Variants in SEMA3E observed in about 807,000 individuals in gnomAD.
SEMA3E encodes the protein semaphorin-3E.
SEMA3E carries 49 observed loss-of-function variants against 93.6 expected under a neutral mutation model. The observed-to-expected ratio is 0.52, with a 90% CI of 0.42 to 0.66. The LOEUF is 0.66. Among genes scored for constraint, SEMA3E ranks in the 30% least tolerant of loss-of-function variants. The pLI, the probability that SEMA3E is intolerant of heterozygous loss-of-function variation, is 0.00. For synonymous variants in SEMA3E, 363 were observed against 330.7 expected (o/e 1.10, Z -1.06); for missense variants, 906 against 964.8 (o/e 0.94, Z 0.81).
intron 1 of SEMA3E, among the ~76,000 whole-genome samples, chr7:83,587,986 A>T (rs1041940855): frequency 1.3e-5 from 2 of 152,132 alleles, no homozygotes; most frequent in Non-Finnish European, 2.9e-5. Context: ...AATTAATTAT[A>T]TTTTGTGTAA....
chr7:83,580,535 G>T (rs1269908919), intron 1 of SEMA3E, among the ~76,000 whole-genome samples: 1 of 151,788 alleles, frequency 6.6e-6, no homozygotes, highest in Non-Finnish European at 1.5e-5. Context: ...TATGATCTTT[G>T]CTTGGTTGTA....
At chr7:83,588,221 A>T (rs1792672253) in intron 1 of SEMA3E, among the ~76,000 whole-genome samples, 1 of 152,034 alleles carries the variant, frequency 6.6e-6, no homozygotes, top group Non-Finnish European at 1.5e-5. Flanking sequence ...GTCTGCACTA[A>T]AAATACAAAA....
chr7:83,374,608 T>C (rs995243825), intron 16 of SEMA3E, among the ~76,000 whole-genome samples: 1 of 152,034 alleles, frequency 6.6e-6, no homozygotes. Context: ...AGCAATGAAA[T>C]AGAGACACAA....
chr7:83,549,591 G>A (rs556304567), intron 1 of SEMA3E, among the ~76,000 whole-genome samples: 1 of 152,040 alleles, frequency 6.6e-6, no homozygotes, highest in South Asian at 2.1e-4. Context: ...TATTGTCTCT[G>A]TATCTAATGT....
At chr7:83,602,819 C>G (rs547377961) in intron 1 of SEMA3E, among the ~76,000 whole-genome samples, 5 of 152,192 alleles carry the variant, frequency 3.3e-5, no homozygotes, top group African/African-American at 1.2e-4. Flanking sequence ...TTTTATGGCT[C>G]TCATCACCTT....
chr7:83,431,926 T>C (rs1478519569), intron 4 of SEMA3E, among the ~76,000 whole-genome samples: 1 of 151,308 alleles, frequency 6.6e-6, no homozygotes, highest in Non-Finnish European at 1.5e-5. Flanking sequence ...GTGCCACCTA[T>C]TCACTCCCCA....
chr7:83,475,996 G>A (rs1016118242), intron 2 of SEMA3E, among the ~76,000 whole-genome samples: 1 of 152,066 alleles, frequency 6.6e-6, no homozygotes, highest in African/African-American at 2.4e-5. Context: ...ATCCCTCATA[G>A]TGTTCTTATT....
chr7:83,424,932 AG>A, intron 4 of SEMA3E: 1 of 272,776 alleles, frequency 3.7e-6, no homozygotes, highest in Non-Finnish European at 7.5e-6. Flanking sequence ...CATGTGTGGG[AG>A]GGTAGCTGGA....
chr7:83,429,165 A>C (rs959947495), intron 4 of SEMA3E, among the ~76,000 whole-genome samples: 1 of 152,214 alleles, frequency 6.6e-6, no homozygotes, highest in African/African-American at 2.4e-5. Context: ...TACCATTGGA[A>C]TAGCTGGCAG....
chr7:83,524,909 C>T (rs773249213), intron 1 of SEMA3E, among the ~76,000 whole-genome samples: 11 of 151,812 alleles, frequency 7.2e-5, no homozygotes, highest in African/African-American at 1.5e-4. Context: ...CAGCTCTCAT[C>T]CTGAGATCTC....
chr7:83,426,638 C>G (rs1788773724), intron 4 of SEMA3E, among the ~76,000 whole-genome samples: 3 of 152,126 alleles, frequency 2.0e-5, no homozygotes, highest in Non-Finnish European at 2.9e-5. Flanking sequence ...ACACATGTAA[C>G]AAACCTGCAC....
At chr7:83,619,684 C>G (rs1793504320) in intron 1 of SEMA3E, among the ~76,000 whole-genome samples, 1 of 151,748 alleles carries the variant, frequency 6.6e-6, no homozygotes, top group South Asian at 2.1e-4. Flanking sequence ...AAGGAGTTAT[C>G]ACACTTGCCT....
At chr7:83,495,413 C>A (rs1400538998) in intron 1 of SEMA3E, among the ~76,000 whole-genome samples, 1 of 151,562 alleles carries the variant, frequency 6.6e-6, no homozygotes, top group Non-Finnish European at 1.5e-5. Context: ...CTATCTCATC[C>A]ATAAGAAATT....
chr7:83,643,369 A>G (rs1464647219), intron 1 of SEMA3E, among the ~76,000 whole-genome samples: 1 of 152,076 alleles, frequency 6.6e-6, no homozygotes, highest in Non-Finnish European at 1.5e-5. Context: ...CTTCCCTTGT[A>G]AAGCTGAAAA....
chr7:83,383,349 AAAG>A (rs1787817069), intron 16 of SEMA3E, among the ~76,000 whole-genome samples: 1 of 151,784 alleles, frequency 6.6e-6, no homozygotes, highest in Non-Finnish European at 1.5e-5. Flanking sequence ...GTTTCACAAA[AAAG>A]AGACATATAA....
At chr7:83,578,474 T>G (rs1584343313) in intron 1 of SEMA3E, among the ~76,000 whole-genome samples, 1 of 152,188 alleles carries the variant, frequency 6.6e-6, no homozygotes, top group African/African-American at 2.4e-5. Flanking sequence ...GAGAATAGCT[T>G]GAACTCAGGA....
intron 1 of SEMA3E, among the ~76,000 whole-genome samples, chr7:83,514,386 G>C (rs1427123447): frequency 1.3e-5 from 2 of 151,988 alleles, no homozygotes; most frequent in Non-Finnish European, 2.9e-5. Context: ...AAGGGGTCCC[G>C]ATACAGTCCT....
At chr7:83,463,443 C>T (rs1371273746) in intron 4 of SEMA3E, among the ~76,000 whole-genome samples, 1 of 152,042 alleles carries the variant, frequency 6.6e-6, no homozygotes, top group African/African-American at 2.4e-5. Context: ...TTCTGCTCCC[C>T]GGCTCCTTCA....
intron 14 of SEMA3E, among the ~76,000 whole-genome samples, chr7:83,389,524 C>A (rs1221927157): frequency 8.0e-6 from 1 of 124,650 alleles, no homozygotes; most frequent in Non-Finnish European, 1.9e-5. Flanking sequence ...CATTCTCCAG[C>A]AAGGTTTCAG....
Sources: gnomAD v4.1 joint callset for allele counts (sites outside exome capture counted in the v4.1 genomes callset) on GRCh38, gnomAD v4.1.1 for gene constraint, MANE v1.5 for transcripts, NCBI Gene and HGNC (gene_info 2026-07-23, HGNC 2026-07-21) for gene names.